Variants in CMTM7 observed in about 807,000 individuals in gnomAD.
CMTM7 encodes the protein CKLF-like MARVEL transmembrane domain-containing protein 7.
In CMTM7, 7 loss-of-function variants were observed where a neutral mutation model predicts 19.3. That is an observed-to-expected ratio of 0.36 (90% CI 0.21 to 0.68). The LOEUF is 0.68. Among genes scored for constraint, CMTM7 ranks in the 30% least tolerant of loss-of-function variants. The pLI, the probability that CMTM7 is intolerant of heterozygous loss-of-function variation, is 0.60. For synonymous variants in CMTM7, 87 were observed against 99.3 expected (o/e 0.88, Z 0.74); for missense variants, 193 against 232.6 (o/e 0.83, Z 1.11).
intron 3 of CMTM7, 129 bp from the exon 4 acceptor site, chr3:32,452,263 G>A (rs1559416483): frequency 2.5e-6 from 4 of 1,573,654 alleles, no homozygotes; most frequent in South Asian, 1.2e-5. Context: ...GGTTGGGTTA[G>A]ATGACTCTCC....
At chr3:32,394,166 G>T (rs1025787718) in intron 1 of CMTM7, among the ~76,000 whole-genome samples, 1 of 152,130 alleles carries the variant, frequency 6.6e-6, no homozygotes. Context: ...ATCTACTTGG[G>T]CCTCTTATCT....
intron 1 of CMTM7, among the ~76,000 whole-genome samples, chr3:32,429,062 A>T (rs1696475274): frequency 6.6e-6 from 1 of 152,230 alleles, no homozygotes; most frequent in Admixed American, 6.5e-5. Context: ...TATCGAAAGG[A>T]ACCAAAAATC....
chr3:32,416,572 A>G (rs1015543944), intron 1 of CMTM7, among the ~76,000 whole-genome samples: 5 of 150,488 alleles, frequency 3.3e-5, no homozygotes, highest in Non-Finnish European at 5.9e-5. Context: ...TTGTATTTTT[A>G]GTAGAGACGG....
intron 1 of CMTM7, among the ~76,000 whole-genome samples, chr3:32,435,192 A>G (rs1389989386): frequency 1.3e-5 from 2 of 152,316 alleles, no homozygotes; most frequent in East Asian, 3.9e-4. Flanking sequence ...TCACGAGGTC[A>G]GGAGATCGAG....
At chr3:32,405,699 G>A (rs536032498) in intron 1 of CMTM7, among the ~76,000 whole-genome samples, 1 of 152,266 alleles carries the variant, frequency 6.6e-6, no homozygotes, top group South Asian at 2.1e-4. Context: ...AGGCTGCAGT[G>A]ACCTATGATC....
chr3:32,428,201 C>G (rs903068048), intron 1 of CMTM7, among the ~76,000 whole-genome samples: 5 of 152,202 alleles, frequency 3.3e-5, no homozygotes, highest in Non-Finnish European at 1.5e-5. Flanking sequence ...CCCACCAGCT[C>G]TCTCCAAAGC....
intron 1 of CMTM7, among the ~76,000 whole-genome samples, chr3:32,426,121 G>A (rs930089035): frequency 1.3e-5 from 2 of 152,018 alleles, no homozygotes; most frequent in African/African-American, 4.8e-5. Context: ...CTCCAGCCTG[G>A]GCAACAGGAG....
chr3:32,400,832 A>G (rs1415415912), intron 1 of CMTM7, among the ~76,000 whole-genome samples: 7 of 152,170 alleles, frequency 4.6e-5, no homozygotes, highest in Admixed American at 4.6e-4. Context: ...GGGAGCTTCC[A>G]GTTCTACCTG....
At chr3:32,401,928 G>A (rs539415570) in intron 1 of CMTM7, among the ~76,000 whole-genome samples, 39 of 152,302 alleles carry the variant, frequency 2.6e-4, no homozygotes, top group African/African-American at 9.1e-4. Context: ...CGGAAATCGC[G>A]AGCAGAGCCC....
At chr3:32,408,906 C>G (rs539333325) in intron 1 of CMTM7, among the ~76,000 whole-genome samples, 2 of 150,350 alleles carry the variant, frequency 1.3e-5, no homozygotes, top group East Asian at 3.9e-4. Flanking sequence ...TTTTTTGAGA[C>G]AAAGTCTCGC....
chr3:32,413,007 A>G (rs1024258347), intron 1 of CMTM7, among the ~76,000 whole-genome samples: 4 of 152,244 alleles, frequency 2.6e-5, no homozygotes, highest in Non-Finnish European at 5.9e-5. Flanking sequence ...ATTACATTGA[A>G]CATTTTCAGG....
At chr3:32,422,986 C>T (rs955685460) in intron 1 of CMTM7, among the ~76,000 whole-genome samples, 2 of 152,172 alleles carry the variant, frequency 1.3e-5, no homozygotes, top group East Asian at 3.8e-4. Context: ...TATCATAAGT[C>T]CAGCCATCAT....
chr3:32,452,307 A>G, intron 3 of CMTM7, 85 bp from the exon 4 acceptor site: 1 of 1,609,786 alleles, frequency 6.2e-7, no homozygotes, highest in Non-Finnish European at 8.5e-7. Flanking sequence ...TGAAGGGAAC[A>G]AGCACAGAGA....
intron 2 of CMTM7, among the ~76,000 whole-genome samples, chr3:32,448,738 C>G (rs533425664): frequency 6.7e-6 from 1 of 150,206 alleles, no homozygotes; most frequent in East Asian, 2.0e-4. Flanking sequence ...AGAGCTTGGC[C>G]GGGAGGGCAC....
At chr3:32,398,877 C>T (rs1272604136) in intron 1 of CMTM7, among the ~76,000 whole-genome samples, 17 of 151,930 alleles carry the variant, frequency 1.1e-4, no homozygotes, top group Admixed American at 1.1e-3. Context: ...CCCAGCTACT[C>T]GGGAGGTTGA....
chr3:32,452,528 G>A (rs1696852969), intron 4 of CMTM7, 55 bp downstream of exon 4: 9 of 1,568,228 alleles, frequency 5.7e-6, no homozygotes, highest in Non-Finnish European at 7.9e-6. Context: ...GGGATGGCTT[G>A]TTCTTGACTT....
chr3:32,444,609 A>C (rs747334944), intron 2 of CMTM7, among the ~76,000 whole-genome samples: 6 of 152,248 alleles, frequency 3.9e-5, no homozygotes, highest in African/African-American at 7.2e-5. Flanking sequence ...AATAGGAATT[A>C]TGTTGAATCC....
At chr3:32,433,819 T>C (rs1279871992) in intron 1 of CMTM7, among the ~76,000 whole-genome samples, 1 of 152,150 alleles carries the variant, frequency 6.6e-6, no homozygotes, top group Non-Finnish European at 1.5e-5. Flanking sequence ...GTCCAGAAGA[T>C]AGGTTAATAC....
intron 1 of CMTM7, among the ~76,000 whole-genome samples, chr3:32,422,980 A>G (rs1696367193): frequency 6.6e-6 from 1 of 152,270 alleles, no homozygotes; most frequent in South Asian, 2.1e-4. Context: ...TTGAACTATC[A>G]TAAGTCCAGC....
Sources: allele counts gnomAD v4.1 joint callset (sites outside exome capture counted in the v4.1 genomes callset), GRCh38; gene constraint gnomAD v4.1.1; transcripts MANE v1.5; gene names NCBI Gene and HGNC (gene_info 2026-07-23, HGNC 2026-07-21).